Variants in ROR1 observed in about 807,000 individuals in gnomAD.
The protein encoded by ROR1 is ROR family WNT receptor 1.
Under a neutral mutation model 78.8 loss-of-function variants are expected in ROR1, and 19 were observed. The observed-to-expected ratio is 0.24, with a 90% CI of 0.17 to 0.35. The LOEUF is 0.35. Ranked by LOEUF, ROR1 falls within the 10% of genes least tolerant of loss-of-function variation. The pLI is 1.00. For synonymous variants in ROR1, 386 were observed against 433.6 expected (o/e 0.89, Z 1.36); for missense variants, 917 against 1,177.8 (o/e 0.78, Z 3.24).
At chr1:63,967,134 T>C (rs1310182063) in intron 1 of ROR1, among the ~76,000 whole-genome samples, 1 of 152,184 alleles carries the variant, frequency 6.6e-6, no homozygotes, top group Non-Finnish European at 1.5e-5. Flanking sequence ...AGAATGGTGC[T>C]TGGCACATAA....
intron 1 of ROR1, among the ~76,000 whole-genome samples, chr1:63,775,949 A>C (rs962473274): frequency 9.9e-5 from 15 of 152,260 alleles, no homozygotes; most frequent in African/African-American, 3.6e-4. Context: ...TTGGTCACAT[A>C]GATGTTTTGC....
chr1:64,033,322 G>A (rs1039269968), intron 2 of ROR1, among the ~76,000 whole-genome samples: 1 of 152,128 alleles, frequency 6.6e-6, no homozygotes, highest in Admixed American at 6.5e-5. Flanking sequence ...GCATCTGACA[G>A]TCACCAAAAC....
intron 1 of ROR1, among the ~76,000 whole-genome samples, chr1:63,780,394 CTG>C (rs1644643850): frequency 6.6e-6 from 1 of 152,088 alleles, no homozygotes. Context: ...TTTTGAGCCT[CTG>C]TTTTCTTATC....
chr1:63,831,352 T>A (rs1644987349), intron 1 of ROR1, among the ~76,000 whole-genome samples: 1 of 152,230 alleles, frequency 6.6e-6, no homozygotes, highest in Admixed American at 6.5e-5. Context: ...GACGTCTTCC[T>A]GGACATCCAG....
At chr1:64,099,925 C>T (rs968665455) in intron 4 of ROR1, among the ~76,000 whole-genome samples, 3 of 152,038 alleles carry the variant, frequency 2.0e-5, no homozygotes, top group Non-Finnish European at 2.9e-5. Context: ...CGTGGTGGCG[C>T]GTGCCTGTAG....
chr1:63,997,478 G>A (rs577348636), intron 1 of ROR1, among the ~76,000 whole-genome samples: 5 of 152,182 alleles, frequency 3.3e-5, no homozygotes, highest in Non-Finnish European at 7.3e-5. Flanking sequence ...TGTTGAGGTT[G>A]CTGCCCACAC....
chr1:63,802,238 C>T (rs1161359791), intron 1 of ROR1, among the ~76,000 whole-genome samples: 1 of 152,060 alleles, frequency 6.6e-6, no homozygotes, highest in East Asian at 1.9e-4. Flanking sequence ...TGAATCTTGT[C>T]AGAATAGAAC....
intron 5 of ROR1, among the ~76,000 whole-genome samples, chr1:64,139,056 A>G (rs1166873691): frequency 3.4e-5 from 5 of 148,802 alleles, no homozygotes; most frequent in African/African-American, 7.4e-5. Flanking sequence ...AGTCCCAGCT[A>G]TGTGGGAGGC....
rs1213773712 is a variant in ROR1 at position 64,071,898 on chromosome 1, CCT to C, written c.482+21190_482+21191del. On this transcript the variant is annotated intron_variant, in intron 4 of 8. Transcript: ENST00000371079. ...AGAGCCAATAAGGAGGGTGTTCTCT[CCT>C]CTCTCTCAGTTGCCAGAGCTCAGCC... Among the ~76,000 whole-genome samples, 7 of 152,150 alleles carry C rather than the reference CCT, an allele frequency of 4.6e-5. No homozygotes were observed. The South Asian group carries it at 1.2e-3, about 27-fold the overall frequency.
intron 1 of ROR1, among the ~76,000 whole-genome samples, chr1:63,940,494 C>CAGATAGATAGAT (rs1315855737): frequency 5.1e-5 from 4 of 77,806 alleles, no homozygotes; most frequent in Non-Finnish European, 9.0e-5. Context: ...GATAGATAGA[C>CAGATAGATAGAT]AGACAGATAG....
intron 4 of ROR1, among the ~76,000 whole-genome samples, chr1:64,095,877 G>A (rs902473938): frequency 1.3e-5 from 2 of 152,164 alleles, no homozygotes; most frequent in African/African-American, 4.8e-5. Context: ...AAGAAGTAAA[G>A]TGATAGGCTA....
chr1:63,825,896 A>G (rs181620039), intron 1 of ROR1, among the ~76,000 whole-genome samples: 1 of 152,238 alleles, frequency 6.6e-6, no homozygotes, highest in African/African-American at 2.4e-5. Flanking sequence ...TTGTCAAGAA[A>G]CCTAGCGTGG....
chr1:63,832,965 CA>C (rs1342503336), intron 1 of ROR1, among the ~76,000 whole-genome samples: 1 of 152,230 alleles, frequency 6.6e-6, no homozygotes, highest in African/African-American at 2.4e-5. Flanking sequence ...ACCAGCCCCC[CA>C]CCCACCACTT....
At chr1:64,076,141 G>A (rs1214031397) in intron 4 of ROR1, among the ~76,000 whole-genome samples, 1 of 152,166 alleles carries the variant, frequency 6.6e-6, no homozygotes, top group Admixed American at 6.5e-5. Flanking sequence ...ATTTCTTGGA[G>A]TAGCAAGGAA....
chr1:63,816,163 C>CA (rs1644891256), intron 1 of ROR1, among the ~76,000 whole-genome samples: 2 of 152,200 alleles, frequency 1.3e-5, no homozygotes, highest in Non-Finnish European at 2.9e-5. Context: ...CCAGTTCCAT[C>CA]ACTAGAGAAA....
rs1008596744 is a variant in ROR1, at chr1:64,179,530, C to G, written c.*675C>G. On this transcript the variant is annotated 3_prime_UTR_variant, in exon 9 of 9. Coordinates refer to ENST00000371079, the MANE Select transcript of ROR1 (RefSeq NM_005012.4). The stretch of plus-strand genomic sequence containing the variant: ...CATGAGGGTCTTTCCCACAGTTTCT[C>G]ACAGTGTGTTTACACTGCCCTTGGA... 11 of 152,302 alleles carry G rather than the reference C, an allele frequency of 7.2e-5. No homozygotes were observed. The highest frequency in any genetic ancestry group is 5.9e-4 in the Admixed American group (9 of 15,284). 9.4% of individuals were successfully genotyped at this position (152,302 alleles called of 1,614,324 possible).
chr1:64,042,153 A>G (rs929057578), intron 2 of ROR1, among the ~76,000 whole-genome samples: 1 of 152,196 alleles, frequency 6.6e-6, no homozygotes, highest in African/African-American at 2.4e-5. Flanking sequence ...TACTGTAGCC[A>G]GGTGTTCTCT....
At chr1:64,148,006 C>T (rs1403119520) in intron 7 of ROR1, among the ~76,000 whole-genome samples, 5 of 152,080 alleles carry the variant, frequency 3.3e-5, no homozygotes, top group Non-Finnish European at 7.4e-5. Context: ...ATCATCTAGC[C>T]CAAAATGTCG....
chr1:63,914,449 AG>A (rs1645594421), intron 1 of ROR1, among the ~76,000 whole-genome samples: 1 of 152,176 alleles, frequency 6.6e-6, no homozygotes, highest in South Asian at 2.1e-4. Flanking sequence ...TGCTGAGTTC[AG>A]GCTGTGGCTG....
Sources: allele counts gnomAD v4.1 joint callset (sites outside exome capture counted in the v4.1 genomes callset), GRCh38; gene constraint gnomAD v4.1.1; transcripts MANE v1.5; gene names NCBI Gene and HGNC (gene_info 2026-07-23, HGNC 2026-07-21).